Variants in MOBP observed in about 807,000 individuals in gnomAD.
MOBP encodes myelin associated oligodendrocyte basic protein.
Under a neutral mutation model 15.0 loss-of-function variants are expected in MOBP, and 5 were observed. That is an observed-to-expected ratio of 0.33 (90% CI 0.17 to 0.70). The LOEUF is 0.70. Among genes scored for constraint, MOBP ranks in the 30% least tolerant of loss-of-function variants. The probability of loss-of-function intolerance (pLI) is 0.67; values close to 1 mark genes in which losing one functional copy is unlikely to be tolerated. For synonymous variants in MOBP, 88 were observed against 99.0 expected, an observed-to-expected ratio of 0.89 and a Z score of 0.66; for missense variants, 188 against 257.8, an observed-to-expected ratio of 0.73 and a Z score of 1.85.
At chr3:39,469,152 A>ATGTGTGTGTG (rs1491093618) in intron 1 of MOBP, among the ~76,000 whole-genome samples, 2 of 90,802 alleles carry the variant, frequency 2.2e-5, no homozygotes, top group African/African-American at 9.2e-5. Flanking sequence ...ACATATATAC[A>ATGTGTGTGTG]TATGTGTGTG....
intron 1 of MOBP, among the ~76,000 whole-genome samples, chr3:39,477,248 G>C (rs1445032362): frequency 6.6e-6 from 1 of 152,046 alleles, no homozygotes; most frequent in Non-Finnish European, 1.5e-5. Context: ...GTTTCACCCT[G>C]CAGTTGTGCA....
chr3:39,525,308 T>C (rs1575327323), downstream of MOBP: 1 of 152,212 alleles, frequency 6.6e-6, no homozygotes, highest in African/African-American at 2.4e-5. Flanking sequence ...CAGTTTTGGA[T>C]CTGGGCTTGT....
intron 2 of MOBP, 148 bp from the exon 3 acceptor site, chr3:39,501,918 A>G (rs2042974873): frequency 3.3e-6 from 2 of 610,596 alleles, no homozygotes; most frequent in Non-Finnish European, 5.9e-6. Flanking sequence ...AGTTGGGGGG[A>G]AGTTGGTCTT....
intron 2 of MOBP, among the ~76,000 whole-genome samples, chr3:39,487,028 A>G (rs919594146): frequency 5.3e-5 from 8 of 150,452 alleles, no homozygotes; most frequent in Middle Eastern, 3.2e-3. Flanking sequence ...GCAACCTCCA[A>G]CTCCCAGGCT....
At chr3:39,494,782 G>GCCCCCCCC in intron 2 of MOBP, among the ~76,000 whole-genome samples, 160 of 85,908 alleles carry the variant, frequency 1.9e-3, no homozygotes, top group Non-Finnish European at 2.5e-3. Flanking sequence ...TATTTTCAAA[G>GCCCCCCCC]CCCCCCCCCG....
chr3:39,483,150 T>C (rs2125634358), intron 2 of MOBP, among the ~76,000 whole-genome samples: 1 of 152,352 alleles, frequency 6.6e-6, no homozygotes, highest in Admixed American at 6.5e-5. Context: ...TTGTTCATTG[T>C]CTTTGTTCAT....
chr3:39,518,751 TCTGA>T (rs1384104411), downstream of MOBP, among the ~76,000 whole-genome samples: 3 of 152,186 alleles, frequency 2.0e-5, no homozygotes, highest in Non-Finnish European at 2.9e-5. Flanking sequence ...CAATAGACAT[TCTGA>T]CTATTAATTC....
At chr3:39,511,692 T>G (rs991188702) in intron 4 of MOBP, among the ~76,000 whole-genome samples, 1 of 152,202 alleles carries the variant, frequency 6.6e-6, no homozygotes, top group Non-Finnish European at 1.5e-5. Context: ...TCCATCTTCC[T>G]TGCTGGATGG....
chr3:39,490,536 TC>T (rs1296511767), intron 2 of MOBP, among the ~76,000 whole-genome samples: 1 of 152,176 alleles, frequency 6.6e-6, no homozygotes, highest in Non-Finnish European at 1.5e-5. Context: ...AAATTGTAAT[TC>T]CCAGTTGTTT....
chr3:39,495,864 T>C (rs1285006761), intron 2 of MOBP, among the ~76,000 whole-genome samples: 1 of 151,400 alleles, frequency 6.6e-6, no homozygotes, highest in African/African-American at 2.4e-5. Context: ...TCCTTACTTT[T>C]GAAAAAAAAT....
chr3:39,468,993 T>A (rs544511738), intron 1 of MOBP, among the ~76,000 whole-genome samples: 1 of 110,200 alleles, frequency 9.1e-6, no homozygotes, highest in Middle Eastern at 0.011. Flanking sequence ...TATACATATG[T>A]GTGTGTATAT....
At chr3:39,501,955 CT>C (rs1196395796) in intron 2 of MOBP, 110 bp from the exon 3 acceptor site, 19 of 892,388 alleles carry the variant, frequency 2.1e-5, no homozygotes, top group African/African-American at 6.6e-5. Context: ...TAGGGCCCCC[CT>C]GAATGTTACC....
chr3:39,467,902 C>G (rs1198473303), intron 1 of MOBP, among the ~76,000 whole-genome samples, 162 bp downstream of exon 1: 2 of 152,112 alleles, frequency 1.3e-5, no homozygotes, highest in Non-Finnish European at 2.9e-5. Context: ...AAAACAAGAA[C>G]AGAGGACACC....
rs146475719 is a variant in MOBP at position 39,490,828 on chromosome 3, G to A, written c.-5+10705G>A. ...TCTGCCTGCCTCAGCCTTCCAAAGT[G>A]CTGGGATTACAGGTGTGAGCCACCG... On this transcript the variant is annotated intron_variant, in intron 2 of 3. Coordinates refer to ENST00000684792, the MANE Select transcript of MOBP (RefSeq NM_001393704.1). Among the ~76,000 whole-genome samples the A allele has an allele frequency of 2.9e-3, 445 of 152,268 alleles. 1 individual carries two copies. Among genetic ancestry groups the A allele is most frequent in the African/African-American group, 0.01 (421 of 41,552 alleles).
At chr3:39,520,046 A>AT (rs1188852748), downstream of MOBP, among the ~76,000 whole-genome samples, 8 of 150,064 alleles carry the variant, frequency 5.3e-5, no homozygotes, top group African/African-American at 2.0e-4. Context: ...CAACCTTTCC[A>AT]TATTCTTATT....
intron 2 of MOBP, among the ~76,000 whole-genome samples, chr3:39,491,846 A>G (rs563809986): frequency 6.6e-6 from 1 of 152,312 alleles, no homozygotes; most frequent in South Asian, 2.1e-4. Flanking sequence ...TTCTAGGCGA[A>G]ACCTCAAAAC....
At chr3:39,495,291 A>G (rs988746274) in intron 2 of MOBP, among the ~76,000 whole-genome samples, 11 of 145,854 alleles carry the variant, frequency 7.5e-5, no homozygotes, top group East Asian at 2.0e-4. Context: ...AAATTTTACA[A>G]TAGATTTTGT....
intron 2 of MOBP, among the ~76,000 whole-genome samples, chr3:39,487,518 C>CTTTTTTTT (rs1216386382): frequency 1.2e-4 from 12 of 102,474 alleles, no homozygotes; most frequent in Non-Finnish European, 1.6e-4. Flanking sequence ...AATTTTCTTT[C>CTTTTTTTT]TTTTTTTTTT....
chr3:39,512,810 T>G (rs2043136453), intron 4 of MOBP, among the ~76,000 whole-genome samples: 1 of 152,260 alleles, frequency 6.6e-6, no homozygotes, highest in Admixed American at 6.5e-5. Flanking sequence ...TTCTGCTATC[T>G]AAATAAATTA....
Sources: gnomAD v4.1 joint callset for allele counts (sites outside exome capture counted in the v4.1 genomes callset) on GRCh38, gnomAD v4.1.1 for gene constraint, MANE v1.5 for transcripts, NCBI Gene and HGNC (gene_info 2026-07-23, HGNC 2026-07-21) for gene names.